Variants in SLC18A2 observed in about 807,000 individuals in gnomAD.
SLC18A2 encodes the protein solute carrier family 18 member A2, also known as synaptic vesicular amine transporter.
Under a neutral mutation model 59.2 loss-of-function variants are expected in SLC18A2, and 33 were observed. The observed-to-expected ratio is 0.56, with a 90% CI of 0.42 to 0.75. The LOEUF is 0.75. SLC18A2 is among the 30% of genes least tolerant of loss of function. The pLI, the probability that SLC18A2 is intolerant of heterozygous loss-of-function variation, is 0.00. For synonymous variants in SLC18A2, 228 were observed against 253.5 expected (o/e 0.90, Z 0.95); for missense variants, 569 against 668.6 (o/e 0.85, Z 1.64).
chr10:117,276,743 TCATTAAGGAGAGAG>T (rs1206137258), intron 15 of SLC18A2, among the ~76,000 whole-genome samples: 1 of 151,974 alleles, frequency 6.6e-6, no homozygotes, highest in African/African-American at 2.4e-5. Flanking sequence ...AGGGCTTCTC[TCATTAAGGAGAGAG>T]CACATCCTTT....
chr10:117,247,506 A>G (rs919741027), intron 3 of SLC18A2, among the ~76,000 whole-genome samples: 2 of 152,212 alleles, frequency 1.3e-5, no homozygotes, highest in African/African-American at 2.4e-5. Flanking sequence ...ACAATTATAC[A>G]GCTTGTACCT....
intron 9 of SLC18A2, among the ~76,000 whole-genome samples, chr10:117,257,551 C>T (rs567377478): frequency 6.6e-6 from 1 of 152,284 alleles, no homozygotes; most frequent in Admixed American, 6.5e-5. Flanking sequence ...ACCAAAGGAA[C>T]TCTAGGGCTG....
At chr10:117,248,862 C>T (rs1253349723) in intron 3 of SLC18A2, among the ~76,000 whole-genome samples, 2 of 152,148 alleles carry the variant, frequency 1.3e-5, no homozygotes, top group Non-Finnish European at 2.9e-5. Context: ...TGCTGGGGAC[C>T]GTTTCCCTTG....
At chr10:117,276,109 T>A (rs1844486699) in intron 15 of SLC18A2, among the ~76,000 whole-genome samples, 1 of 141,274 alleles carries the variant, frequency 7.1e-6, no homozygotes, top group Admixed American at 7.4e-5. Flanking sequence ...GGCAATGTAG[T>A]GAGATGTCAT....
At position 117,244,170 on chromosome 10, in the gene SLC18A2, G is replaced by A; in HGVS notation, c.321G>A (p.Val107=). ...TLHQTATQHM[V]TNASAVPSDC... is the part of the protein sequence containing the mutation. ...ATCAGACCGCCACACAGCACATGGT[G>A]ACCAACGCGTCCGCTGTTCCTTCCG... Residue 107 remains valine, a synonymous_variant, in exon 3 of 16, where the codon GTG becomes GTA. Transcript: ENST00000644641. 6.2e-7 allele frequency: 1 copy of A among 1,614,178 alleles called. No individual in the cohort carries two copies. The highest frequency in any genetic ancestry group is 8.5e-7 in the Non-Finnish European group (1 of 1,180,046).
At chr10:117,272,399 C>T (rs181778216) in intron 15 of SLC18A2, among the ~76,000 whole-genome samples, 57 of 152,140 alleles carry the variant, frequency 3.7e-4, no homozygotes, top group African/African-American at 1.3e-3. Flanking sequence ...CGTTTGTGAA[C>T]GGCAGCCTGA....
intron 13 of SLC18A2, chr10:117,268,270 A>G (rs1172990460): frequency 6.5e-6 from 1 of 153,248 alleles, no homozygotes. Flanking sequence ...TCTTATTTAT[A>G]ATATACCAAT....
intron 6 of SLC18A2, among the ~76,000 whole-genome samples, chr10:117,254,951 C>T (rs1844211103): frequency 6.6e-6 from 1 of 152,242 alleles, no homozygotes; most frequent in African/African-American, 2.4e-5. Context: ...TGCAGCCTTG[C>T]CTGCGCTGGT....
rs1262721775 is a variant in SLC18A2, at chr10:117,269,310, GATAC to G, written c.1187-757_1187-754del. Among the ~76,000 whole-genome samples the G allele has an allele frequency of 7.1e-6, 1 of 141,732 alleles. No individual in the cohort carries two copies. The highest frequency in any genetic ancestry group is 1.5e-5 in the Non-Finnish European group (1 of 65,958). The allele number at this position is 141,732 out of a possible 152,430, so 93.0% of individuals were successfully genotyped here. A position where few individuals can be genotyped will look rare whatever the true frequency, so the allele number is the denominator to read the frequency against. ...ACACATATATACACATACATACACA[GATAC>G]ATATATACATATACATAATACACAT... is the stretch of plus-strand genomic sequence containing the variant. On this transcript the variant is annotated intron_variant, in intron 13 of 15. Transcript: ENST00000644641. This position sits in a 1 kb window ranked among gnomAD's most constrained non-coding sequence, Gnocchi z 5.1.
At chr10:117,243,505 C>T (rs1323153503) in intron 2 of SLC18A2, among the ~76,000 whole-genome samples, 1 of 152,236 alleles carries the variant, frequency 6.6e-6, no homozygotes, top group Non-Finnish European at 1.5e-5. Flanking sequence ...ACATATGGCA[C>T]AGGGCTCCTG....
chr10:117,261,727 C>T (rs923655888), intron 10 of SLC18A2, among the ~76,000 whole-genome samples: 2 of 152,078 alleles, frequency 1.3e-5, no homozygotes, highest in Admixed American at 6.5e-5. Flanking sequence ...GCTCTCTCAT[C>T]GAACAATACC....
intron 3 of SLC18A2, among the ~76,000 whole-genome samples, chr10:117,245,075 C>T (rs977315911): frequency 1.3e-5 from 2 of 152,230 alleles, no homozygotes; most frequent in African/African-American, 4.8e-5. Flanking sequence ...CCAGTTCTGC[C>T]TGGTCCGTGG....
intron 1 of SLC18A2, 56 bp from the exon 2 acceptor site, chr10:117,241,623 G>T: frequency 6.8e-7 from 1 of 1,476,938 alleles, no homozygotes. Context: ...CCTGGGGGAC[G>T]GGAGAATGGG....
chr10:117,253,400 A>G lies in SLC18A2; in HGVS notation c.466A>G (p.Ile156Val), dbSNP rs1844185846. The change falls in exon 4 of 16, where the codon ATT becomes GTT. Residue 156 changes from isoleucine to valine, a missense_variant and splice_region_variant. Transcript: ENST00000644641. ...NPFIGLLTNR[I>V]GYPIPIFAGF... Reference sequence around the variant, plus strand: ...TTGTCTGATGTTTGTGTTTTGCAGAATTGGCTATCCAATTCCCATATTTGC... The same window carrying G: ...TTGTCTGATGTTTGTGTTTTGCAGAGTTGGCTATCCAATTCCCATATTTGC... 13 of 1,612,204 alleles carry G rather than the reference A, an allele frequency of 8.1e-6. No individual in the cohort carries two copies. The highest frequency in any genetic ancestry group is 1.3e-5 in the African/African-American group (1 of 74,878).
chr10:117,273,187 G>C (rs1844446152), intron 15 of SLC18A2, among the ~76,000 whole-genome samples: 1 of 152,118 alleles, frequency 6.6e-6, no homozygotes, highest in African/African-American at 2.4e-5. Context: ...TCTTCCATTT[G>C]GTTTACTGGA....
chr10:117,265,366 C>T (rs1844337211), intron 10 of SLC18A2, among the ~76,000 whole-genome samples: 1 of 152,084 alleles, frequency 6.6e-6, no homozygotes, highest in Non-Finnish European at 1.5e-5. Flanking sequence ...TGAGAAGGAC[C>T]TCCAGGCCCC....
In SLC18A2 at chr10:117,250,454, C is replaced by T. The variant is rs560118821; in HGVS notation, c.465-2945C>T. ...AGCTGTGATATTCGTTTATTCCATACGTGCATTGTTAAAATCCCAAAGAAA... is the reference window on the plus strand; with the variant it reads ...AGCTGTGATATTCGTTTATTCCATATGTGCATTGTTAAAATCCCAAAGAAA... On this transcript the variant is annotated intron_variant, in intron 3 of 15. Transcript: ENST00000644641. Among the ~76,000 whole-genome samples the T allele has an allele frequency of 1.0e-3, 158 of 152,344 alleles. 1 individual carries two copies. The highest frequency in any genetic ancestry group is 3.8e-3 in the African/African-American group (156 of 41,588).
intron 10 of SLC18A2, among the ~76,000 whole-genome samples, chr10:117,265,950 C>T (rs1474174489): frequency 3.9e-5 from 6 of 152,032 alleles, no homozygotes; most frequent in Non-Finnish European, 8.8e-5. Flanking sequence ...ATTAACTAGG[C>T]GTGGTGGCGC....
chr10:117,242,924 A>C (rs1844071737), intron 2 of SLC18A2, among the ~76,000 whole-genome samples: 1 of 151,862 alleles, frequency 6.6e-6, no homozygotes, highest in South Asian at 2.1e-4. Flanking sequence ...TAGAGACAGG[A>C]TTTTGCCATG....
Sources: gnomAD v4.1 joint callset for allele counts (sites outside exome capture counted in the v4.1 genomes callset) on GRCh38, gnomAD v4.1.1 for gene constraint, Gnocchi (gnomAD v3.1) non-coding constraint, MANE v1.5 for transcripts, NCBI Gene and HGNC (gene_info 2026-07-23, HGNC 2026-07-21) for gene names.